Variants in RCAN1 observed in about 807,000 individuals in gnomAD.
The protein encoded by RCAN1 is regulator of calcineurin 1.
Under a neutral mutation model 22.9 loss-of-function variants are expected in RCAN1, and 11 were observed. The observed-to-expected ratio is 0.48, with a 90% CI of 0.30 to 0.79. The LOEUF is 0.79. RCAN1 is among the 30% of genes least tolerant of loss of function. The pLI is 0.06. For synonymous variants in RCAN1, 136 were observed against 142.3 expected (o/e 0.96, Z 0.32); for missense variants, 291 against 337.8 (o/e 0.86, Z 1.09).
In RCAN1 at chr21:34,517,787, G is replaced by T; in HGVS notation, c.*297C>A. Reference sequence around the variant, plus strand: ...GGCACAGACAGAACCTACCAGAAAAGAACAAGTACAAAACACTATCATTAT... The same window carrying T: ...GGCACAGACAGAACCTACCAGAAAATAACAAGTACAAAACACTATCATTAT... On this transcript the variant is annotated 3_prime_UTR_variant, in exon 4 of 4. Coordinates refer to ENST00000313806, the MANE Select transcript of RCAN1 (RefSeq NM_004414.7). The T allele has an allele frequency of 2.8e-6, 1 of 361,756 alleles. No homozygotes were observed. Among genetic ancestry groups the T allele is most frequent in the Non-Finnish European group, 5.1e-6 (1 of 197,782 alleles). The allele number at this position is 361,756 out of a possible 1,614,324, so 22.4% of individuals were successfully genotyped here. A position where few individuals can be genotyped will look rare whatever the true frequency, so the allele number is the denominator to read the frequency against.
chr21:34,612,808 A>G (rs968010051), intron 1 of RCAN1, among the ~76,000 whole-genome samples: 5 of 152,158 alleles, frequency 3.3e-5, no homozygotes, highest in Admixed American at 2.6e-4. Flanking sequence ...TCATGGCTGC[A>G]GGCCTGGACA....
intron 1 of RCAN1, among the ~76,000 whole-genome samples, chr21:34,605,146 A>G (rs116720759): frequency 0.024 from 3,706 of 152,326 alleles, 121 homozygotes; most frequent in South Asian, 0.11. Flanking sequence ...GGAAAGGCGG[A>G]CCCACCCTCT....
At chr21:34,531,342 T>G (rs1368382209) in intron 1 of RCAN1, among the ~76,000 whole-genome samples, 1 of 152,186 alleles carries the variant, frequency 6.6e-6, no homozygotes, top group Non-Finnish European at 1.5e-5. Flanking sequence ...CTTGGGCCAA[T>G]GCCCTGTGGT....
intron 1 of RCAN1, among the ~76,000 whole-genome samples, chr21:34,577,712 G>C (rs1987458370): frequency 6.6e-6 from 1 of 152,228 alleles, no homozygotes. Context: ...CTCCAGGCAG[G>C]AGTGTTACAT....
At chr21:34,609,580 G>C (rs1016894877) in intron 1 of RCAN1, among the ~76,000 whole-genome samples, 1 of 152,220 alleles carries the variant, frequency 6.6e-6, no homozygotes, top group African/African-American at 2.4e-5. Context: ...ATAAACATTG[G>C]AACCAACAGC....
chr21:34,580,274 C>T lies in RCAN1; in HGVS notation c.252+34486G>A, dbSNP rs551973730. ...TGCACAGCCTGGTCAGCAGTTGCAA[C>T]TTTCTTTAGCTAAACCTGCTGGCAT... is the stretch of plus-strand genomic sequence containing the variant. On this transcript the variant is annotated intron_variant, in intron 1 of 3. Coordinates refer to ENST00000313806, the MANE Select transcript of RCAN1 (RefSeq NM_004414.7). 2.0e-5 allele frequency among the ~76,000 whole-genome samples: 3 copies of T among 152,336 alleles called. No individual in the cohort carries two copies. In the South Asian group the frequency reaches 6.2e-4, roughly 32 times the overall value.
chr21:34,600,753 A>G (rs1988310185), intron 1 of RCAN1, among the ~76,000 whole-genome samples: 1 of 152,240 alleles, frequency 6.6e-6, no homozygotes, highest in Non-Finnish European at 1.5e-5. Context: ...ACTTTGTAGC[A>G]AAGCTCATTT....
intron 1 of RCAN1, among the ~76,000 whole-genome samples, chr21:34,596,693 C>T (rs1988169813): frequency 6.6e-6 from 1 of 152,196 alleles, no homozygotes; most frequent in Non-Finnish European, 1.5e-5. Flanking sequence ...TGGGCATTTC[C>T]TGATGATGTT....
At chr21:34,533,091 G>T (rs942104993) in intron 1 of RCAN1, among the ~76,000 whole-genome samples, 13 of 151,318 alleles carry the variant, frequency 8.6e-5, no homozygotes, top group African/African-American at 2.4e-4. Context: ...CTCCCGAGTA[G>T]CTGGGACTAC....
intron 1 of RCAN1, among the ~76,000 whole-genome samples, chr21:34,611,833 G>T (rs1988694545): frequency 1.3e-5 from 2 of 152,114 alleles, no homozygotes; most frequent in South Asian, 4.2e-4. Flanking sequence ...AATGAGAAAT[G>T]GTCCACTTGC....
intron 3 of RCAN1, 65 bp downstream of exon 3, chr21:34,521,434 C>T: frequency 6.2e-7 from 1 of 1,610,834 alleles, no homozygotes; most frequent in Non-Finnish European, 8.5e-7. Context: ...GGTGGTACTG[C>T]TCCCTGGTGC....
chr21:34,535,394 A>T (rs966939045), intron 1 of RCAN1, among the ~76,000 whole-genome samples: 3 of 141,562 alleles, frequency 2.1e-5, no homozygotes, highest in Non-Finnish European at 4.5e-5. Flanking sequence ...AAAGCAAAAC[A>T]CATAACCTTT....
At chr21:34,587,479 T>C (rs1315777770) in intron 1 of RCAN1, among the ~76,000 whole-genome samples, 1 of 151,586 alleles carries the variant, frequency 6.6e-6, no homozygotes, top group Non-Finnish European at 1.5e-5. Flanking sequence ...AAAAATATTA[T>C]AAAAAAGAAA....
At chr21:34,586,243 TAAG>T (rs1488427577) in intron 1 of RCAN1, among the ~76,000 whole-genome samples, 1 of 152,218 alleles carries the variant, frequency 6.6e-6, no homozygotes, top group Non-Finnish European at 1.5e-5. Context: ...ATGTTGTTGT[TAAG>T]AAGGCATATT....
intron 1 of RCAN1, among the ~76,000 whole-genome samples, chr21:34,556,057 C>T (rs1027953520): frequency 1.6e-5 from 1 of 62,512 alleles, no homozygotes; most frequent in Non-Finnish European, 3.5e-5. Flanking sequence ...AGCGAGACTC[C>T]ATTTCAAAAA....
At chr21:34,526,828 T>A in intron 1 of RCAN1, 1 of 1,533,612 alleles carries the variant, frequency 6.5e-7, no homozygotes, top group Non-Finnish European at 8.7e-7. Flanking sequence ...AGGCTGTAGG[T>A]TCCTTCTTGA....
At chr21:34,558,575 A>G (rs1051714125) in intron 1 of RCAN1, among the ~76,000 whole-genome samples, 3 of 152,264 alleles carry the variant, frequency 2.0e-5, no homozygotes, top group African/African-American at 7.2e-5. Flanking sequence ...CATTTCTAAC[A>G]ACCAAGAGGC....
At chr21:34,610,091 G>C (rs1539751) in intron 1 of RCAN1, among the ~76,000 whole-genome samples, 1 of 152,110 alleles carries the variant, frequency 6.6e-6, no homozygotes, top group Non-Finnish European at 1.5e-5. Context: ...CAGTGCAATA[G>C]AACCCAACTG....
chr21:34,591,551 A>G (rs1162414553), intron 1 of RCAN1, among the ~76,000 whole-genome samples: 2 of 152,200 alleles, frequency 1.3e-5, no homozygotes, highest in Non-Finnish European at 2.9e-5. Flanking sequence ...ATCCTGTGGG[A>G]CATGAGAAAC....
Sources: allele counts gnomAD v4.1 joint callset (sites outside exome capture counted in the v4.1 genomes callset), GRCh38; gene constraint gnomAD v4.1.1; transcripts MANE v1.5; gene names NCBI Gene and HGNC (gene_info 2026-07-23, HGNC 2026-07-21).